ADPGK: variants seen among roughly 807,000 people sequenced by gnomAD.
ADPGK encodes ADP-dependent glucokinase.
ADPGK carries 26 observed loss-of-function variants against 42.4 expected under a neutral mutation model. The observed-to-expected ratio is 0.61, with a 90% confidence interval of 0.45 to 0.85. The LOEUF is 0.85. Ranked by LOEUF, ADPGK falls within the 40% of genes least tolerant of loss-of-function variation. The pLI is 0.00. For synonymous variants in ADPGK, 267 were observed against 252.6 expected, an observed-to-expected ratio of 1.06 and a Z score of -0.54; for missense variants, 571 against 627.0, an observed-to-expected ratio of 0.91 and a Z score of 0.95.
chr15:72,761,974 C>G (rs905140621), intron 3 of ADPGK, among the ~76,000 whole-genome samples: 1 of 152,144 alleles, frequency 6.6e-6, no homozygotes, highest in Non-Finnish European at 1.5e-5. Context: ...CAGGTTCAAT[C>G]AATTCTCCTG....
In ADPGK at chr15:72,782,478, T is replaced by C. The variant is rs568699851; in HGVS notation, c.233+981A>G. On this transcript the variant is annotated intron_variant, in intron 1 of 6. Coordinates refer to ENST00000456471, the MANE Select transcript of ADPGK (RefSeq NM_001365225.1). ...AGTTCGAGGCTGCAGTGAGCAGTGA[T>C]TGCACCACTGCACTCCAGCCTAGGC... Among the ~76,000 whole-genome samples the C allele has an allele frequency of 5.0e-3, 646 of 130,004 alleles. 5 individuals are homozygous for C. Among genetic ancestry groups the C allele is most frequent in the Middle Eastern group, 0.017 (3 of 178 alleles). The allele number at this position is 130,004 out of a possible 152,430, so 85.3% of individuals were successfully genotyped here.
chr15:72,777,936 C>T (rs1020806429), intron 1 of ADPGK, among the ~76,000 whole-genome samples: 3 of 152,138 alleles, frequency 2.0e-5, no homozygotes, highest in Admixed American at 2.0e-4. Context: ...TCACAGTTTA[C>T]TTGATAACTT....
chr15:72,768,107 G>C (rs571902874), intron 3 of ADPGK, among the ~76,000 whole-genome samples: 77 of 151,632 alleles, frequency 5.1e-4, no homozygotes, highest in African/African-American at 1.7e-3. Context: ...AAATTGTAGA[G>C]ATCTTAAAGG....
At chr15:72,775,137 A>C (rs757456119) in intron 1 of ADPGK, 40 bp from the exon 2 acceptor site, 1 of 1,540,210 alleles carries the variant, frequency 6.5e-7, no homozygotes, top group Non-Finnish European at 9.0e-7. Flanking sequence ...CAGCAGAAGC[A>C]CCAAGTAGCC....
intron 4 of ADPGK, among the ~76,000 whole-genome samples, chr15:72,758,923 T>A (rs2066152637): frequency 6.6e-6 from 1 of 152,090 alleles, no homozygotes; most frequent in East Asian, 1.9e-4. Context: ...CACAGTCAGG[T>A]CATTCTTTTA....
intron 6 of ADPGK, among the ~76,000 whole-genome samples, chr15:72,754,131 C>T (rs1460698341): frequency 6.6e-6 from 1 of 151,894 alleles, no homozygotes; most frequent in Non-Finnish European, 1.5e-5. Context: ...ACAGTCAGCC[C>T]TCCATATCCA....
intron 3 of ADPGK, among the ~76,000 whole-genome samples, chr15:72,762,988 A>C (rs1318170301): frequency 6.6e-6 from 1 of 152,188 alleles, no homozygotes; most frequent in Admixed American, 6.5e-5. Flanking sequence ...AAAAAAGGAA[A>C]CAGGAATAAA....
chr15:72,754,865 TTCTG>T (rs1439195245), intron 6 of ADPGK, among the ~76,000 whole-genome samples: 1 of 152,130 alleles, frequency 6.6e-6, no homozygotes, highest in East Asian at 1.9e-4. Context: ...CAGGATATAT[TTCTG>T]TATTTTCTTA....
chr15:72,763,461 C>T (rs1375289058), intron 3 of ADPGK, among the ~76,000 whole-genome samples: 2 of 151,884 alleles, frequency 1.3e-5, no homozygotes, highest in African/African-American at 4.8e-5. Context: ...TGCCGGATTA[C>T]AGGCGTGAGC....
At chr15:72,766,287 A>G (rs2066257953) in intron 3 of ADPGK, among the ~76,000 whole-genome samples, 1 of 152,186 alleles carries the variant, frequency 6.6e-6, no homozygotes, top group Admixed American at 6.5e-5. Flanking sequence ...CCAATTTTGA[A>G]TGAAGTTCCA....
At chr15:72,758,805 A>G (rs1471892349) in intron 4 of ADPGK, among the ~76,000 whole-genome samples, 1 of 152,184 alleles carries the variant, frequency 6.6e-6, no homozygotes, top group Non-Finnish European at 1.5e-5. Context: ...AGGAATCACA[A>G]AGGTCCCCAG....
rs1289568316 is a variant in ADPGK at position 72,771,849 on chromosome 15, T to C, written c.460-4A>G. 2 of 1,609,174 alleles carry C rather than the reference T, an allele frequency of 1.2e-6. No homozygotes were observed. Among genetic ancestry groups the C allele is most frequent in the South Asian group, 1.1e-5 (1 of 90,446 alleles). ...CTGCATTTCCTCCTACATAGTGCTG[T>C]AAGAGAGTTCAAGGCTTTTAGACAG... is the stretch of plus-strand genomic sequence containing the variant. On this transcript the variant is annotated splice_polypyrimidine_tract_variant and splice_region_variant and intron_variant, in intron 2 of 6. Transcript: ENST00000456471.
intron 2 of ADPGK, 120 bp downstream of exon 2, chr15:72,774,752 G>A: frequency 1.3e-6 from 1 of 780,160 alleles, no homozygotes; most frequent in East Asian, 2.7e-5. Flanking sequence ...TTTCAACCAG[G>A]GGTGATTTTG....
At chr15:72,761,682 T>C (rs2066195175) in intron 3 of ADPGK, among the ~76,000 whole-genome samples, 1 of 151,114 alleles carries the variant, frequency 6.6e-6, no homozygotes, top group Non-Finnish European at 1.5e-5. Flanking sequence ...CCACAGAGAT[T>C]ATCAGCACTG....
chr15:72,778,426 A>G (rs2066416182), intron 1 of ADPGK, among the ~76,000 whole-genome samples: 1 of 152,136 alleles, frequency 6.6e-6, no homozygotes, highest in Non-Finnish European at 1.5e-5. Flanking sequence ...TGTCAAGGGG[A>G]AATAAAGGGA....
chr15:72,771,851 A>G lies in ADPGK; in HGVS notation c.460-6T>C. On this transcript the variant is annotated splice_polypyrimidine_tract_variant and splice_region_variant and intron_variant, in intron 2 of 6. Coordinates refer to ENST00000456471, the MANE Select transcript of ADPGK (RefSeq NM_001365225.1). The stretch of plus-strand genomic sequence containing the variant: ...GCATTTCCTCCTACATAGTGCTGTA[A>G]GAGAGTTCAAGGCTTTTAGACAGTA... 6.2e-7 allele frequency: 1 copy of G among 1,608,728 alleles called. No individual in the cohort carries two copies. Among genetic ancestry groups the G allele is most frequent in the Non-Finnish European group, 8.5e-7 (1 of 1,177,230 alleles).
chr15:72,778,870 C>G (rs549332416), intron 1 of ADPGK, among the ~76,000 whole-genome samples: 5 of 152,246 alleles, frequency 3.3e-5, no homozygotes, highest in Admixed American at 3.3e-4. Flanking sequence ...AGAAGAAAGG[C>G]GGCTGATCTT....
chr15:72,763,555 A>AT (rs2066222094), intron 3 of ADPGK, among the ~76,000 whole-genome samples: 1 of 152,136 alleles, frequency 6.6e-6, no homozygotes, highest in Admixed American at 6.5e-5. Flanking sequence ...ACATAAGATT[A>AT]TTTTTCTTAT....
chr15:72,751,711 T>C lies in ADPGK; in HGVS notation c.*630A>G, dbSNP rs1303076492. On this transcript the variant is annotated 3_prime_UTR_variant, in exon 7 of 7. Transcript: ENST00000456471. Reference sequence around the variant, plus strand: ...GAGCCAGGACAGGAAAGCATGATCCTTCAGCTCATGACGCCACCCAGGCTT... The same window carrying C: ...GAGCCAGGACAGGAAAGCATGATCCCTCAGCTCATGACGCCACCCAGGCTT... The C allele has an allele frequency of 6.5e-6, 1 of 153,020 alleles. No individual in the cohort carries two copies. Among genetic ancestry groups the C allele is most frequent in the East Asian group, 1.9e-4 (1 of 5,208 alleles). The allele number at this position is 153,020 out of a possible 1,614,324, so 9.5% of individuals were successfully genotyped here. A position where few individuals can be genotyped will look rare whatever the true frequency, so the allele number is the denominator to read the frequency against.
Sources: gnomAD v4.1 joint callset for allele counts (sites outside exome capture counted in the v4.1 genomes callset) on GRCh38, gnomAD v4.1.1 for gene constraint, MANE v1.5 for transcripts, NCBI Gene and HGNC (gene_info 2026-07-23, HGNC 2026-07-21) for gene names.